TAFA4: variants seen among roughly 807,000 people sequenced by gnomAD.
TAFA4 encodes chemokine-like protein TAFA-4.
TAFA4 carries 20 observed loss-of-function variants against 21.1 expected under a neutral mutation model. The ratio of observed to expected loss-of-function variants is 0.95; its 90% CI spans 0.67 to 1.38. The LOEUF (loss-of-function observed/expected upper bound fraction) is 1.38. TAFA4 is among the 40% of genes most tolerant of loss of function. The probability of loss-of-function intolerance (pLI) is 0.00; values close to 1 mark genes in which losing one functional copy is unlikely to be tolerated. For missense variants in TAFA4, 211 were observed against 180.9 expected (o/e 1.17, Z -0.95); for synonymous variants, 71 against 67.4 (o/e 1.05, Z -0.26).
chr3:68,788,614 C>A (rs1384120323), intron 3 of TAFA4, among the ~76,000 whole-genome samples: 1 of 151,736 alleles, frequency 6.6e-6, no homozygotes, highest in Non-Finnish European at 1.5e-5. Context: ...GTTGTGTTTA[C>A]ATATTTTTTT....
At chr3:68,777,083 T>C (rs957332248) in intron 3 of TAFA4, among the ~76,000 whole-genome samples, 14 of 152,210 alleles carry the variant, frequency 9.2e-5, no homozygotes, top group Admixed American at 9.2e-4. Flanking sequence ...TGACACTGCA[T>C]AGACATTTCA....
chr3:68,740,963 G>A (rs1224938477), intron 4 of TAFA4, among the ~76,000 whole-genome samples: 3 of 152,236 alleles, frequency 2.0e-5, no homozygotes, highest in Non-Finnish European at 4.4e-5. Flanking sequence ...ATAAATGAAT[G>A]GATTTATTTC....
At chr3:68,861,799 C>T (rs2089349711) in intron 3 of TAFA4, among the ~76,000 whole-genome samples, 2 of 152,070 alleles carry the variant, frequency 1.3e-5, no homozygotes, top group Non-Finnish European at 2.9e-5. Context: ...ATCAAGCCTC[C>T]TGTGACCCGT....
chr3:68,853,164 T>C (rs1704989496), intron 3 of TAFA4, among the ~76,000 whole-genome samples: 1 of 152,116 alleles, frequency 6.6e-6, no homozygotes, highest in Non-Finnish European at 1.5e-5. Context: ...GATATAAACT[T>C]AGAGTGTCAC....
At chr3:68,838,394 AC>A (rs1704574155) in intron 3 of TAFA4, among the ~76,000 whole-genome samples, 1 of 152,214 alleles carries the variant, frequency 6.6e-6, no homozygotes, top group Non-Finnish European at 1.5e-5. Flanking sequence ...ATTATTGAAC[AC>A]CAAATGTTTT....
rs1054033340 is a variant in TAFA4, at chr3:68,913,077, GAA to G, written c.-123+19161_-123+19162del. Among the ~76,000 whole-genome samples the G allele has an allele frequency of 6.0e-4, 92 of 152,250 alleles. 1 individual carries two copies. The highest frequency in any genetic ancestry group is 2.2e-3 in the African/African-American group (91 of 41,536). On this transcript the variant is annotated intron_variant, in intron 1 of 5. Coordinates refer to ENST00000295569, the MANE Select transcript of TAFA4 (RefSeq NM_182522.5). ...ATGCCTGTCCTAGAGGAATTAACAC[GAA>G]AAGACTTTCAGCTGCTAATTCATTT... is the stretch of plus-strand genomic sequence containing the variant.
At chr3:68,828,402 A>C (rs1460662930) in intron 3 of TAFA4, among the ~76,000 whole-genome samples, 1 of 152,142 alleles carries the variant, frequency 6.6e-6, no homozygotes, top group Non-Finnish European at 1.5e-5. Context: ...AGTTTTTTCC[A>C]ATTCTGTGAA....
rs551937821 is a variant in TAFA4, at chr3:68,834,678, C to T, written c.130+46052G>A. ...ACCTCCTCATCTCAGAAACAACAAC[C>T]CCTTCTTTCTGGTTGCTCAAGCCAA... On this transcript the variant is annotated intron_variant, in intron 3 of 5. Transcript: ENST00000295569. 2.0e-5 allele frequency among the ~76,000 whole-genome samples: 3 copies of T among 152,216 alleles called. 1 individual carries two copies. In the South Asian group the frequency reaches 6.2e-4, roughly 32 times the overall value.
chr3:68,822,616 G>T (rs1873265), intron 3 of TAFA4, among the ~76,000 whole-genome samples: 76,311 of 151,910 alleles, frequency 0.5, 20,371 homozygotes, highest in South Asian at 0.75. Context: ...GGACCACTGA[G>T]GAGTGCCACC....
chr3:68,757,395 G>T (rs772968422), intron 3 of TAFA4, among the ~76,000 whole-genome samples: 1 of 152,016 alleles, frequency 6.6e-6, no homozygotes, highest in African/African-American at 2.4e-5. Context: ...CACATTTGGG[G>T]TTAGGACTTC....
chr3:68,738,913 C>T (rs754888633), intron 5 of TAFA4, among the ~76,000 whole-genome samples, 162 bp downstream of exon 5: 2 of 152,106 alleles, frequency 1.3e-5, no homozygotes, highest in African/African-American at 2.4e-5. Flanking sequence ...AGAATGATGC[C>T]GGGAAATGCG....
chr3:68,755,094 G>A lies in TAFA4; in HGVS notation c.131-2076C>T, dbSNP rs576147944. ...GCAAATAGGTCAAGGAAGTATGTGC[G>A]CAGGTACATCGACATCTCCGATTCC... On this transcript the variant is annotated intron_variant, in intron 3 of 5. Transcript: ENST00000295569. Among the ~76,000 whole-genome samples the A allele has an allele frequency of 1.8e-4, 28 of 152,260 alleles. 1 individual carries two copies. The highest frequency in any genetic ancestry group is 5.1e-4 in the African/African-American group (21 of 41,560).
chr3:68,809,804 A>G (rs1261126495), intron 3 of TAFA4, among the ~76,000 whole-genome samples: 3 of 152,148 alleles, frequency 2.0e-5, no homozygotes, highest in African/African-American at 7.2e-5. Context: ...CCATTTATTG[A>G]GAGATTGCCC....
At chr3:68,853,864 G>A (rs1705004844) in intron 3 of TAFA4, among the ~76,000 whole-genome samples, 1 of 151,894 alleles carries the variant, frequency 6.6e-6, no homozygotes, top group Non-Finnish European at 1.5e-5. Context: ...CATATTCCTG[G>A]GCTCAGAGCA....
intron 3 of TAFA4, among the ~76,000 whole-genome samples, chr3:68,860,001 T>A (rs577472657): frequency 6.6e-6 from 1 of 152,288 alleles, no homozygotes; most frequent in East Asian, 1.9e-4. Context: ...TTCCTGAACA[T>A]CTTAGACTGG....
At chr3:68,754,697 C>T (rs1225593869) in intron 3 of TAFA4, among the ~76,000 whole-genome samples, 1 of 152,078 alleles carries the variant, frequency 6.6e-6, no homozygotes, top group East Asian at 1.9e-4. Context: ...ATGAATATAT[C>T]CCATTCTTTA....
At chr3:68,920,978 C>T (rs1575674508) in intron 1 of TAFA4, among the ~76,000 whole-genome samples, 1 of 152,176 alleles carries the variant, frequency 6.6e-6, no homozygotes, top group African/African-American at 2.4e-5. Flanking sequence ...ACCTCATCTT[C>T]TAACTGTCTG....
At chr3:68,739,976 T>C (rs1334892203) in intron 4 of TAFA4, among the ~76,000 whole-genome samples, 2 of 152,212 alleles carry the variant, frequency 1.3e-5, no homozygotes, top group African/African-American at 4.8e-5. Context: ...CTTAAATTTA[T>C]ACAAATATAA....
chr3:68,736,633 C>A (rs115487007), intron 5 of TAFA4, among the ~76,000 whole-genome samples: 1 of 152,054 alleles, frequency 6.6e-6, no homozygotes, highest in African/African-American at 2.4e-5. Flanking sequence ...AATACGTCCT[C>A]TAGGGAGACA....
Sources: allele counts gnomAD v4.1 joint callset (sites outside exome capture counted in the v4.1 genomes callset), GRCh38; gene constraint gnomAD v4.1.1; transcripts MANE v1.5; gene names NCBI Gene and HGNC (gene_info 2026-07-23, HGNC 2026-07-21).